IKBKB: variants seen among roughly 807,000 people sequenced by gnomAD.
IKBKB encodes inhibitor of nuclear factor kappa-B kinase subunit beta.
A neutral mutation model predicts 113.6 loss-of-function variants in IKBKB; 42 were observed. The observed-to-expected ratio is 0.37, with a 90% CI of 0.29 to 0.48. The LOEUF (loss-of-function observed/expected upper bound fraction) is 0.48, where lower values mean the gene tolerates loss of function less well. Among genes scored for constraint, IKBKB ranks in the 20% least tolerant of loss-of-function variants. The probability of loss-of-function intolerance (pLI) is 0.99; values close to 1 mark genes in which losing one functional copy is unlikely to be tolerated. For missense variants in IKBKB, 673 were observed against 939.7 expected (o/e 0.72, Z 3.71); for synonymous variants, 296 against 361.3 (o/e 0.82, Z 2.05).
intron 3 of IKBKB, among the ~76,000 whole-genome samples, chr8:42,289,183 C>G (rs1313240552): frequency 6.6e-6 from 1 of 152,164 alleles, no homozygotes; most frequent in Non-Finnish European, 1.5e-5. Context: ...CCACTGCACT[C>G]CAGCCTGGGC....
At chr8:42,305,350 T>A (rs1336608323) in intron 6 of IKBKB, 75 bp downstream of exon 6, 11 of 847,794 alleles carry the variant, frequency 1.3e-5, no homozygotes, top group Admixed American at 1.1e-4. Flanking sequence ...AGGAGCACAC[T>A]CTGCATATTT....
chr8:42,279,976 G>A (rs779870334), intron 2 of IKBKB, among the ~76,000 whole-genome samples: 1 of 152,152 alleles, frequency 6.6e-6, no homozygotes, highest in African/African-American at 2.4e-5. Context: ...AGCCTCCTGA[G>A]TAGCTGGGAC....
At position 42,316,662 on chromosome 8, in the gene IKBKB, T is replaced by C; in HGVS notation, c.931-48T>C. 6.5e-7 allele frequency: 1 copy of C among 1,550,314 alleles called. No homozygotes were observed. Among genetic ancestry groups the C allele is most frequent in the Non-Finnish European group, 8.8e-7 (1 of 1,138,594 alleles). ...GAGGACCTAGGCAAATAGATGGGCA[T>C]TTCCTTGAAGAAATCGGTTTTCCAG... On this transcript the variant is annotated intron_variant, in intron 10 of 21. Transcript: ENST00000520810. The surrounding 1 kb of genome is among the most constrained non-coding windows in gnomAD (Gnocchi z 4.5).
chr8:42,331,433 A>G lies in IKBKB; in HGVS notation c.*454A>G. ...CAGAGTCCGAGCAGCGCTTGGTGAC[A>G]GCCTGTCCTCTCCTGCTCTCCAAAG... On this transcript the variant is annotated 3_prime_UTR_variant, in exon 22 of 22. Coordinates refer to ENST00000520810, the MANE Select transcript of IKBKB (RefSeq NM_001556.3). The G allele has an allele frequency of 1.4e-6, 1 of 702,484 alleles. No homozygotes were observed. Among genetic ancestry groups the G allele is most frequent in the South Asian group, 1.5e-5 (1 of 67,554 alleles). The allele number at this position is 702,484 out of a possible 1,614,324, so 43.5% of individuals were successfully genotyped here. A position where few individuals can be genotyped will look rare whatever the true frequency, so the allele number is the denominator to read the frequency against.
chr8:42,300,024 C>T (rs1005922458), intron 5 of IKBKB, among the ~76,000 whole-genome samples: 4 of 152,246 alleles, frequency 2.6e-5, no homozygotes, highest in Non-Finnish European at 5.9e-5. Context: ...GCATGTTTCC[C>T]ATTGTGTGCA....
chr8:42,305,351 C>A, intron 6 of IKBKB, 76 bp downstream of exon 6: 1 of 847,992 alleles, frequency 1.2e-6, no homozygotes, highest in African/African-American at 1.7e-5. Context: ...GGAGCACACT[C>A]TGCATATTTG....
chr8:42,297,756 G>T (rs930723815), intron 5 of IKBKB, among the ~76,000 whole-genome samples: 1 of 152,096 alleles, frequency 6.6e-6, no homozygotes, highest in Non-Finnish European at 1.5e-5. Flanking sequence ...TTATCTGGGC[G>T]TGGTGGCGTG....
chr8:42,299,946 C>T (rs574683249), intron 5 of IKBKB, among the ~76,000 whole-genome samples: 1 of 152,354 alleles, frequency 6.6e-6, no homozygotes, highest in East Asian at 1.9e-4. Flanking sequence ...GCAGTGAGGG[C>T]TGACTTCCGG....
At chr8:42,276,029 CG>C (rs1809013918) in intron 2 of IKBKB, among the ~76,000 whole-genome samples, 1 of 152,070 alleles carries the variant, frequency 6.6e-6, no homozygotes, top group Non-Finnish European at 1.5e-5. Flanking sequence ...TCAGCAGAGA[CG>C]GGGTTTTACC....
In IKBKB at chr8:42,287,427, T is replaced by C. The variant is rs552447421; in HGVS notation, c.106-1207T>C. ...CTGAAGGAATTACCTGTTACAGGAG[T>C]ATAGCAGAGGGTGAGACCCTCTTGA... On this transcript the variant is annotated intron_variant, in intron 2 of 21. Transcript: ENST00000520810. Among the ~76,000 whole-genome samples, 4 of 152,310 alleles carry C rather than the reference T, an allele frequency of 2.6e-5. No individual in the cohort carries two copies. In the South Asian group the frequency reaches 8.3e-4, roughly 32 times the overall value.
intron 8 of IKBKB, among the ~76,000 whole-genome samples, chr8:42,311,813 A>G (rs1817761657): frequency 6.6e-6 from 1 of 152,232 alleles, no homozygotes; most frequent in Admixed American, 6.5e-5. Context: ...TCATTAATTT[A>G]TAGTCACACT....
At chr8:42,272,375 G>C (rs1228631136) in intron 2 of IKBKB, 170 bp downstream of exon 2, 1 of 761,404 alleles carries the variant, frequency 1.3e-6, no homozygotes, top group Admixed American at 2.4e-5. Flanking sequence ...CTGACTCCAG[G>C]TTAGTGGTCT....
At chr8:42,291,012 TATGGTTCCCAC>T (rs1197412583) in intron 4 of IKBKB, among the ~76,000 whole-genome samples, 1 of 152,136 alleles carries the variant, frequency 6.6e-6, no homozygotes, top group Non-Finnish European at 1.5e-5. Context: ...GGTGCACAGG[TATGGTTCCCAC>T]ATGATGGGTG....
Position 42,306,581 on chromosome 8 carries a change from G to A in IKBKB, c.567+149G>A, listed in dbSNP as rs576017792. 1.2e-4 allele frequency: 73 copies of A among 620,188 alleles called. No homozygotes were observed. The South Asian group carries it at 1.2e-3, about 10-fold the overall frequency. 38.4% of individuals were successfully genotyped at this position (620,188 alleles called of 1,614,324 possible). A position where few individuals can be genotyped will look rare whatever the true frequency, so the allele number is the denominator to read the frequency against. On this transcript the variant is annotated intron_variant, in intron 7 of 21. Coordinates refer to ENST00000520810, the MANE Select transcript of IKBKB (RefSeq NM_001556.3). ...ATGAGGTCACACCCATAACCTGGTC[G>A]AGTCAGCATTTTTTGCCACCAGATG... is the stretch of plus-strand genomic sequence containing the variant.
At chr8:42,274,019 T>G (rs912881845) in intron 2 of IKBKB, among the ~76,000 whole-genome samples, 5 of 152,142 alleles carry the variant, frequency 3.3e-5, no homozygotes, top group African/African-American at 1.2e-4. Context: ...TTCTGGCTAT[T>G]TTGAAATATA....
At position 42,316,117 on chromosome 8, in the gene IKBKB, A is replaced by G; in HGVS notation, c.801-93A>G. ...CCATTTTCATTTTCAATCACCGTCT[A>G]CTGGCTGCCGTCTGTGTGTATACTG... is the stretch of plus-strand genomic sequence containing the variant. On this transcript the variant is annotated intron_variant, in intron 9 of 21. Transcript: ENST00000520810. This position sits in a 1 kb window ranked among gnomAD's most constrained non-coding sequence, Gnocchi z 4.5. 2 of 1,376,210 alleles carry G rather than the reference A, an allele frequency of 1.5e-6. No homozygotes were observed. The highest frequency in any genetic ancestry group is 2.0e-6 in the Non-Finnish European group (2 of 998,892). 85.2% of individuals were successfully genotyped at this position (1,376,210 alleles called of 1,614,324 possible). A position where few individuals can be genotyped will look rare whatever the true frequency, so the allele number is the denominator to read the frequency against.
At position 42,331,650 on chromosome 8, in the gene IKBKB, T is replaced by G. The variant is rs1821701238; in HGVS notation, c.*671T>G. 1.9e-6 allele frequency: 1 copy of G among 539,482 alleles called. No homozygotes were observed. The highest frequency in any genetic ancestry group is 2.1e-5 in the South Asian group (1 of 48,022). The allele number at this position is 539,482 out of a possible 1,614,324, so 33.4% of individuals were successfully genotyped here. On this transcript the variant is annotated 3_prime_UTR_variant, in exon 22 of 22. Coordinates refer to ENST00000520810, the MANE Select transcript of IKBKB (RefSeq NM_001556.3). ...CTCTTTTCGGCAAAGTTGGAGCGAGTGCCAAGCTCTCCATCTGTGGTCCTT... is the reference window on the plus strand; with the variant it reads ...CTCTTTTCGGCAAAGTTGGAGCGAGGGCCAAGCTCTCCATCTGTGGTCCTT...
At chr8:42,289,062 A>G (rs1812024261) in intron 3 of IKBKB, among the ~76,000 whole-genome samples, 1 of 152,134 alleles carries the variant, frequency 6.6e-6, no homozygotes, top group South Asian at 2.1e-4. Context: ...TAAAAATACA[A>G]AAAATTAGCC....
chr8:42,288,255 C>T (rs377611068), intron 2 of IKBKB, among the ~76,000 whole-genome samples: 16 of 151,950 alleles, frequency 1.1e-4, no homozygotes, highest in Non-Finnish European at 1.9e-4. Context: ...GGTGTGGTTG[C>T]GCATGCCTGT....
Sources: allele counts gnomAD v4.1 joint callset (sites outside exome capture counted in the v4.1 genomes callset), GRCh38; gene constraint gnomAD v4.1.1; non-coding constraint Gnocchi (gnomAD v3.1); transcripts MANE v1.5; gene names NCBI Gene and HGNC (gene_info 2026-07-23, HGNC 2026-07-21).